Variants in SLC39A14 observed in about 807,000 individuals in gnomAD.
SLC39A14 encodes the protein solute carrier family 39 member 14, also known as metal cation symporter ZIP14.
Under a neutral mutation model 45.5 loss-of-function variants are expected in SLC39A14, and 19 were observed. The observed-to-expected ratio is 0.42, with a 90% confidence interval of 0.29 to 0.61. The LOEUF is 0.61. Among genes scored for constraint, SLC39A14 ranks in the 20% least tolerant of loss-of-function variants. The probability of loss-of-function intolerance (pLI) is 0.22; values close to 1 mark genes in which losing one functional copy is unlikely to be tolerated. For missense variants in SLC39A14, 447 were observed against 616.5 expected (o/e 0.73, Z 2.91); for synonymous variants, 264 against 251.3 (o/e 1.05, Z -0.48).
At position 22,422,046 on chromosome 8, in the gene SLC39A14, T is replaced by A; in HGVS notation, c.*2348T>A. 1 of 985,458 alleles carries A rather than the reference T, an allele frequency of 1.0e-6. No individual in the cohort carries two copies. Among genetic ancestry groups the A allele is most frequent in the East Asian group, 1.1e-4 (1 of 8,818 alleles). The allele number at this position is 985,458 out of a possible 1,614,324, so 61.0% of individuals were successfully genotyped here. ...CACTGATTGTGGCAACAGCTTTGCC[T>A]CATGAGTCAAAAATTGGCAATTTCT... is the stretch of plus-strand genomic sequence containing the variant. On this transcript the variant is annotated 3_prime_UTR_variant, in exon 9 of 9. Coordinates refer to ENST00000381237, the MANE Select transcript of SLC39A14 (RefSeq NM_001128431.4).
At chr8:22,417,084 C>T in intron 7 of SLC39A14, among the ~76,000 whole-genome samples, 1 of 152,170 alleles carries the variant, frequency 6.6e-6, no homozygotes, top group East Asian at 1.9e-4. Context: ...AGTAATTACT[C>T]CAGAGGCTTT....
chr8:22,415,576 G>A (rs776825638), intron 5 of SLC39A14, 193 bp from the exon 6 acceptor site: 20 of 544,402 alleles, frequency 3.7e-5, no homozygotes, highest in Non-Finnish European at 6.0e-5. Flanking sequence ...GATTACAGGT[G>A]TGAGCCACCG....
At chr8:22,396,108 T>G (rs1041724174) in intron 1 of SLC39A14, among the ~76,000 whole-genome samples, 1 of 152,042 alleles carries the variant, frequency 6.6e-6, no homozygotes, top group Non-Finnish European at 1.5e-5. Flanking sequence ...GGTTTCCGCC[T>G]GTAATCCCAG....
intron 1 of SLC39A14, among the ~76,000 whole-genome samples, chr8:22,375,970 G>T (rs966788574): frequency 5.3e-5 from 8 of 152,166 alleles, no homozygotes; most frequent in African/African-American, 1.7e-4. Flanking sequence ...TAACTAAACT[G>T]CAGGCCTTAT....
At chr8:22,382,658 G>A (rs1833574987) in intron 1 of SLC39A14, among the ~76,000 whole-genome samples, 1 of 152,144 alleles carries the variant, frequency 6.6e-6, no homozygotes, top group African/African-American at 2.4e-5. Flanking sequence ...TGCCACAGAA[G>A]TGAGACCCTG....
At chr8:22,428,026 C>T (rs375489889) in intron 8 of SLC39A14, among the ~76,000 whole-genome samples, 1 of 152,104 alleles carries the variant, frequency 6.6e-6, no homozygotes, top group Non-Finnish European at 1.5e-5. Flanking sequence ...TGGCCTGGTG[C>T]GGTAGCTCAC....
chr8:22,430,082 G>A (rs138734650), intron 8 of SLC39A14, among the ~76,000 whole-genome samples: 3 of 152,346 alleles, frequency 2.0e-5, no homozygotes, highest in African/African-American at 4.8e-5. Flanking sequence ...AAGAAGGTTG[G>A]TGGGAGCTCA....
At chr8:22,429,347 T>G (rs1836434644) in intron 8 of SLC39A14, among the ~76,000 whole-genome samples, 1 of 152,226 alleles carries the variant, frequency 6.6e-6, no homozygotes, top group Non-Finnish European at 1.5e-5. Flanking sequence ...CATCATTGAC[T>G]ATCTGTGTGA....
intron 3 of SLC39A14, chr8:22,410,233 C>A: frequency 1.9e-6 from 2 of 1,043,878 alleles, no homozygotes; most frequent in Admixed American, 2.0e-5. Flanking sequence ...GAGAAATGAA[C>A]CTGTCCCTCG....
chr8:22,398,735 T>A, intron 1 of SLC39A14: 1 of 985,374 alleles, frequency 1.0e-6, no homozygotes, highest in African/African-American at 1.7e-5. Context: ...CACAGAAGCG[T>A]CTGTGCAGGA....
At chr8:22,426,759 C>G (rs757401722), downstream of SLC39A14, among the ~76,000 whole-genome samples, 2 of 152,098 alleles carry the variant, frequency 1.3e-5, no homozygotes, top group Admixed American at 6.5e-5. Flanking sequence ...TCTCAGCTCA[C>G]TGCAACCTCC....
intron 1 of SLC39A14, among the ~76,000 whole-genome samples, chr8:22,393,766 G>C (rs943380294): frequency 6.6e-6 from 1 of 151,916 alleles, no homozygotes; most frequent in African/African-American, 2.4e-5. Context: ...CAAACTCCTG[G>C]GCTCAAGCAG....
intron 8 of SLC39A14, 78 bp downstream of exon 8, chr8:22,417,913 A>G (rs533080461): frequency 1.6e-6 from 2 of 1,288,548 alleles, no homozygotes. Context: ...TTTTATTTTT[A>G]TTTTTTTGAG....
At chr8:22,416,367 CCT>C in intron 7 of SLC39A14, 87 bp downstream of exon 7, 1 of 1,091,116 alleles carries the variant, frequency 9.2e-7, no homozygotes, top group African/African-American at 1.5e-5. Flanking sequence ...CTCCCATCTC[CCT>C]GTCTTCACAG....
At chr8:22,393,239 A>G in intron 1 of SLC39A14, 1 of 985,776 alleles carries the variant, frequency 1.0e-6, no homozygotes, top group African/African-American at 1.7e-5. Context: ...CAGGGTATGG[A>G]GGAGAGCAGT....
At chr8:22,378,858 G>A (rs1313589165) in intron 1 of SLC39A14, among the ~76,000 whole-genome samples, 2 of 152,176 alleles carry the variant, frequency 1.3e-5, no homozygotes, top group South Asian at 2.1e-4. Context: ...ACATGATCAG[G>A]TCTTAATTCT....
chr8:22,416,013 C>T, intron 6 of SLC39A14, 56 bp downstream of exon 6: 3 of 1,606,894 alleles, frequency 1.9e-6, no homozygotes, highest in Non-Finnish European at 1.7e-6. Context: ...TCAGGCTTAC[C>T]TTGAGGGCAC....
At chr8:22,427,130 C>T (rs201581140), downstream of SLC39A14, among the ~76,000 whole-genome samples, 1 of 151,750 alleles carries the variant, frequency 6.6e-6, no homozygotes, top group Non-Finnish European at 1.5e-5. Context: ...CTGTCTCTAC[C>T]AAAAATACAA....
chr8:22,428,814 T>A (rs988655021), intron 8 of SLC39A14, among the ~76,000 whole-genome samples: 4 of 152,202 alleles, frequency 2.6e-5, no homozygotes, highest in African/African-American at 9.7e-5. Context: ...ATCTAACTGA[T>A]GATTTTGTTT....
Sources: gnomAD v4.1 joint callset for allele counts (sites outside exome capture counted in the v4.1 genomes callset) on GRCh38, gnomAD v4.1.1 for gene constraint, MANE v1.5 for transcripts, NCBI Gene and HGNC (gene_info 2026-07-23, HGNC 2026-07-21) for gene names.